LRRN4CL: variants seen among roughly 807,000 people sequenced by gnomAD.
The protein encoded by LRRN4CL is LRRN4 C-terminal like.
For synonymous variants in LRRN4CL, 156 were observed against 154.1 expected (o/e 1.01, Z -0.09); for missense variants, 348 against 336.4 (o/e 1.03, Z -0.27).
chr11:62,688,725 CAT>C (rs764357877), intron 1 of LRRN4CL, among the ~76,000 whole-genome samples: 25 of 152,214 alleles, frequency 1.6e-4, no homozygotes, highest in Admixed American at 3.9e-4. Context: ...TGATCTGACA[CAT>C]GAGACAGATG....
In LRRN4CL at chr11:62,688,245, C is replaced by T. The variant is rs745588133; in HGVS notation, c.264G>A (p.Met88Ile). Residue 88 changes from methionine (M) to isoleucine (I), a missense_variant, in exon 2 of 2, where the codon ATG becomes ATA. Coordinates refer to ENST00000317449, the MANE Select transcript of LRRN4CL (RefSeq NM_203422.4). Reference protein sequence around the residue: ...SPAQPPDPPRMGEVRIAAEEG... With the variant: ...SPAQPPDPPRIGEVRIAAEEG... ...CTTCGGCCGCAATGCGCACTTCTCC[C>T]ATGCGCGGCGGGTCGGGCGGCTGGG... 3.7e-6 allele frequency: 6 copies of T among 1,611,018 alleles called. No homozygotes were observed. The highest frequency in any genetic ancestry group is 1.7e-5 in the Admixed American group (1 of 59,836).
chr11:62,688,487 G>T lies in LRRN4CL; in HGVS notation c.22C>A (p.Leu8Met). The change falls in exon 2 of 2, where the codon CTG (leucine) becomes ATG (methionine). Residue 8 changes from leucine to methionine, a missense_variant. Leu to Met is a conservative substitution (Grantham distance 15, BLOSUM62 2). Coordinates refer to ENST00000317449, the MANE Select transcript of LRRN4CL (RefSeq NM_203422.4). ...AAGAAGGTCACGGCCAGGAGCCACA[G>T]AAGGCAGGGAGAGCCCAGCATGGAG... MLGSPCL[L>M]WLLAVTFLVP... The T allele has an allele frequency of 6.3e-7, 1 of 1,598,026 alleles. No individual in the cohort carries two copies. The highest frequency in any genetic ancestry group is 1.1e-5 in the South Asian group (1 of 90,970).
In LRRN4CL at chr11:62,688,045, G is replaced by A; in HGVS notation, c.464C>T (p.Ala155Val). ...PGGIYVVCVVAANEAGASRVP... is the reference protein window; with the variant it reads ...PGGIYVVCVVVANEAGASRVP... ...GCGGCTTGCCCCGGCCTCGTTAGCG[G>A]CCACTACGCAAACGACATAAATGCC... Residue 155 changes from alanine to valine, a missense_variant, in exon 2 of 2, where the codon GCC becomes GTC. Transcript: ENST00000317449. 1 of 1,612,588 alleles carries A rather than the reference G, an allele frequency of 6.2e-7. No homozygotes were observed. The highest frequency in any genetic ancestry group is 8.5e-7 in the Non-Finnish European group (1 of 1,179,870).
At position 62,688,021 on chromosome 11, in the gene LRRN4CL, C is replaced by A. The variant is rs755254407; in HGVS notation, c.488G>T (p.Arg163Leu). Residue 163 changes from arginine (R) to leucine (L), a missense_variant, in exon 2 of 2, where the codon CGC becomes CTC. Coordinates refer to ENST00000317449, the MANE Select transcript of LRRN4CL (RefSeq NM_203422.4). ...VVAANEAGAS[R>L]VPQAGGEGLE... ...GCCCTCTCCTCCAGCCTGGGGCACG[C>A]GGCTTGCCCCGGCCTCGTTAGCGGC... 33 of 1,612,168 alleles carry A rather than the reference C, an allele frequency of 2.0e-5. No individual in the cohort carries two copies. In the Admixed American group the frequency reaches 5.5e-4, roughly 27 times the overall value.
In LRRN4CL at chr11:62,687,420, T is replaced by C. The variant is rs1041269784; in HGVS notation, c.*372A>G. 1 of 210,908 alleles carries C rather than the reference T, an allele frequency of 4.7e-6. No homozygotes were observed. Among genetic ancestry groups the C allele is most frequent in the Non-Finnish European group, 9.3e-6 (1 of 107,756 alleles). 13.1% of individuals were successfully genotyped at this position (210,908 alleles called of 1,614,324 possible). A position where few individuals can be genotyped will look rare whatever the true frequency, so the allele number is the denominator to read the frequency against. On this transcript the variant is annotated 3_prime_UTR_variant, in exon 2 of 2. Coordinates refer to ENST00000317449, the MANE Select transcript of LRRN4CL (RefSeq NM_203422.4). ...AGTAGCTGCTACTATAGGTTCGCATTACTAAGTCAGGTCGTTTTTACATTT... is the reference window on the plus strand; with the variant it reads ...AGTAGCTGCTACTATAGGTTCGCATCACTAAGTCAGGTCGTTTTTACATTT...
Position 62,688,034 on chromosome 11 carries a change from C to T in LRRN4CL, c.475G>A (p.Ala159Thr). ...YVVCVVAANE[A>T]GASRVPQAGG... ...GCCTGGGGCACGCGGCTTGCCCCGG[C>T]CTCGTTAGCGGCCACTACGCAAACG... The change falls in exon 2 of 2, where the codon GCC becomes ACC. Residue 159 changes from alanine to threonine, a missense_variant. Coordinates refer to ENST00000317449, the MANE Select transcript of LRRN4CL (RefSeq NM_203422.4). The T allele has an allele frequency of 6.2e-7, 1 of 1,612,498 alleles. No individual in the cohort carries two copies. The highest frequency in any genetic ancestry group is 2.2e-5 in the East Asian group (1 of 44,864).
At position 62,688,462 on chromosome 11, in the gene LRRN4CL, A is replaced by G; in HGVS notation, c.47T>C (p.Leu16Ser). Residue 16 changes from leucine to serine, a missense_variant, in exon 2 of 2, where the codon TTG becomes TCG. Physicochemically the swap from Leu to Ser is moderately radical, Grantham distance 145. Coordinates refer to ENST00000317449, the MANE Select transcript of LRRN4CL (RefSeq NM_203422.4). ...GGCCAAGGGCTGAGCTCTGGGAACC[A>G]AGAAGGTCACGGCCAGGAGCCACAG... ...CLLWLLAVTF[L>S]VPRAQPLAPQ... 1 of 1,599,030 alleles carries G rather than the reference A, an allele frequency of 6.3e-7. No individual in the cohort carries two copies. Among genetic ancestry groups the G allele is most frequent in the Non-Finnish European group, 8.5e-7 (1 of 1,179,860 alleles).
chr11:62,687,991 T>A lies in LRRN4CL; in HGVS notation c.518A>T (p.Glu173Val). ...CCCGAAGGCAGGGATGTCGGCCCCCTCGAGGCCCTCTCCTCCAGCCTGGGG... is the reference window on the plus strand; with the variant it reads ...CCCGAAGGCAGGGATGTCGGCCCCCACGAGGCCCTCTCCTCCAGCCTGGGG... ...RVPQAGGEGLEGADIPAFGPC... is the reference protein window; with the variant it reads ...RVPQAGGEGLVGADIPAFGPC... The change falls in exon 2 of 2, where the codon GAG becomes GTG. Residue 173 changes from glutamate (E) to valine (V), a missense_variant. By Grantham distance (121) the Glu-to-Val change is moderately radical (BLOSUM62 -2). Coordinates refer to ENST00000317449, the MANE Select transcript of LRRN4CL (RefSeq NM_203422.4). 6.2e-7 allele frequency: 1 copy of A among 1,609,890 alleles called. No individual in the cohort carries two copies. Among genetic ancestry groups the A allele is most frequent in the South Asian group, 1.1e-5 (1 of 90,862 alleles).
Position 62,687,731 on chromosome 11 carries a change from G to T in LRRN4CL, c.*61C>A. The T allele has an allele frequency of 7.8e-7, 1 of 1,290,028 alleles. No homozygotes were observed. 79.9% of individuals were successfully genotyped at this position (1,290,028 alleles called of 1,614,324 possible). Reference sequence around the variant, plus strand: ...GAGGCAGCGGGTTTTCCTCTTTCCCGGGGGCCAGGCTGAGCGCCCCAGGTG... The same window carrying T: ...GAGGCAGCGGGTTTTCCTCTTTCCCTGGGGCCAGGCTGAGCGCCCCAGGTG... On this transcript the variant is annotated 3_prime_UTR_variant, in exon 2 of 2. Transcript: ENST00000317449.
Position 62,687,394 on chromosome 11 carries a change from G to A in LRRN4CL, c.*398C>T. On this transcript the variant is annotated 3_prime_UTR_variant, in exon 2 of 2. Transcript: ENST00000317449. ...AGAGATCCTCCCATTTCAGCCTCTG[G>A]AGTAGCTGCTACTATAGGTTCGCAT... 5.6e-6 allele frequency: 1 copy of A among 180,058 alleles called. No individual in the cohort carries two copies. Among genetic ancestry groups the A allele is most frequent in the Non-Finnish European group, 1.1e-5 (1 of 87,344 alleles). 11.2% of individuals were successfully genotyped at this position (180,058 alleles called of 1,614,324 possible).
In LRRN4CL at chr11:62,687,816, G is replaced by A; in HGVS notation, c.693C>T (p.Ala231=). The A allele has an allele frequency of 7.2e-7, 1 of 1,396,878 alleles. No individual in the cohort carries two copies. Among genetic ancestry groups the A allele is most frequent in the South Asian group, 1.6e-5 (1 of 61,356 alleles). 86.5% of individuals were successfully genotyped at this position (1,396,878 alleles called of 1,614,324 possible). A position where few individuals can be genotyped will look rare whatever the true frequency, so the allele number is the denominator to read the frequency against. The stretch of plus-strand genomic sequence containing the variant: ...TTCAGAGCGCCCCTGCGGCTCGGGC[G>A]GCGGCTCGGCGCGGGCAGCCCCAGC... The part of the protein sequence containing the change: ...RDRWGCPRRA[A]ARAAGAL The change falls in exon 2 of 2, where the codon GCC becomes GCT. Residue 231 remains alanine (A), a synonymous_variant. Coordinates refer to ENST00000317449, the MANE Select transcript of LRRN4CL (RefSeq NM_203422.4).
At chr11:62,689,182 CCTCAA>C (rs757366748) in intron 1 of LRRN4CL, among the ~76,000 whole-genome samples, 1 of 152,078 alleles carries the variant, frequency 6.6e-6, no homozygotes, top group Non-Finnish European at 1.5e-5. Flanking sequence ...AAGAGTGAGA[CCTCAA>C]CTCAACAAAA....
intron 1 of LRRN4CL, among the ~76,000 whole-genome samples, chr11:62,689,138 C>G (rs1945242378): frequency 6.6e-6 from 1 of 152,148 alleles, no homozygotes; most frequent in African/African-American, 2.4e-5. Context: ...TGCAGTGAAC[C>G]ATGATCGCCC....
At position 62,687,825 on chromosome 11, in the gene LRRN4CL, G is replaced by C; in HGVS notation, c.684C>G (p.Arg228=). The change falls in exon 2 of 2, where the codon CGC becomes CGG. Residue 228 remains arginine, a synonymous_variant. Coordinates refer to ENST00000317449, the MANE Select transcript of LRRN4CL (RefSeq NM_203422.4). ...FCLRDRWGCP[R]RAAARAAGAL Reference sequence around the variant, plus strand: ...CCCCTGCGGCTCGGGCGGCGGCTCGGCGCGGGCAGCCCCAGCGATCGCGCA... The same window carrying C: ...CCCCTGCGGCTCGGGCGGCGGCTCGCCGCGGGCAGCCCCAGCGATCGCGCA... 1 of 1,400,986 alleles carries C rather than the reference G, an allele frequency of 7.1e-7. No homozygotes were observed. 86.8% of individuals were successfully genotyped at this position (1,400,986 alleles called of 1,614,324 possible).
rs776376410 is a variant in LRRN4CL, at chr11:62,688,202, G to A, written c.307C>T (p.His103Tyr). ...ACCGGGGAGAAGGGGGCACACCAGT[G>A]GACCACTGCGCGGCCCTCTTCGGCC... ...IAAEEGRAVV[H>Y]WCAPFSPVLH... Residue 103 changes from histidine to tyrosine, a missense_variant, in exon 2 of 2, where the codon CAC becomes TAC. Coordinates refer to ENST00000317449, the MANE Select transcript of LRRN4CL (RefSeq NM_203422.4). The A allele has an allele frequency of 1.2e-6, 2 of 1,612,148 alleles. No homozygotes were observed. The highest frequency in any genetic ancestry group is 1.6e-4 in the Middle Eastern group (1 of 6,078).
At position 62,688,317 on chromosome 11, in the gene LRRN4CL, C is replaced by T. The variant is rs540348666; in HGVS notation, c.192G>A (p.Gln64=). Residue 64 remains glutamine, a synonymous_variant, in exon 2 of 2, where the codon CAG becomes CAA. Coordinates refer to ENST00000317449, the MANE Select transcript of LRRN4CL (RefSeq NM_203422.4). ...RHLQVPCKEL[Q]RVGPAACLCP... ...ACAGGCAGGCCGCCGGCCCGACCCTCTGTAGCTCCTTGCAGGGCACCTGCA... is the reference window on the plus strand; with the variant it reads ...ACAGGCAGGCCGCCGGCCCGACCCTTTGTAGCTCCTTGCAGGGCACCTGCA... The T allele has an allele frequency of 1.2e-6, 2 of 1,609,554 alleles. No individual in the cohort carries two copies. The highest frequency in any genetic ancestry group is 1.7e-5 in the Admixed American group (1 of 59,934).
rs1328558934 is a variant in LRRN4CL, at chr11:62,688,188, G to C, written c.321C>G (p.Pro107=). The C allele has an allele frequency of 3.1e-6, 5 of 1,612,300 alleles. No homozygotes were observed. The highest frequency in any genetic ancestry group is 1.3e-5 in the African/African-American group (1 of 74,938). The change falls in exon 2 of 2, where the codon CCC becomes CCG. Residue 107 remains proline (P), a synonymous_variant. Coordinates refer to ENST00000317449, the MANE Select transcript of LRRN4CL (RefSeq NM_203422.4). ...GCCAGTAGTGGAGGACCGGGGAGAA[G>C]GGGGCACACCAGTGGACCACTGCGC... ...EGRAVVHWCA[P]FSPVLHYWLL...
At chr11:62,688,836 C>T (rs1255962628) in intron 1 of LRRN4CL, among the ~76,000 whole-genome samples, 2 of 152,050 alleles carry the variant, frequency 1.3e-5, no homozygotes, top group African/African-American at 2.4e-5. Context: ...CAGGGAAGAA[C>T]GGTAGGATAT....
rs1945210990 is a variant in LRRN4CL at position 62,687,593 on chromosome 11, G to C, written c.*199C>G. The C allele has an allele frequency of 2.3e-6, 1 of 433,502 alleles. No homozygotes were observed. The allele number at this position is 433,502 out of a possible 1,614,324, so 26.9% of individuals were successfully genotyped here. ...CTATTCCTTCCCAGACCTCAGCCAG[G>C]AAACAAAGCGCCAAGTACCGGACCT... On this transcript the variant is annotated 3_prime_UTR_variant, in exon 2 of 2. Transcript: ENST00000317449.
Sources: gnomAD v4.1 joint callset for allele counts (sites outside exome capture counted in the v4.1 genomes callset) on GRCh38, gnomAD v4.1.1 for gene constraint, MANE v1.5 for transcripts, NCBI Gene and HGNC (gene_info 2026-07-23, HGNC 2026-07-21) for gene names.